The following SCFD2 variants were observed in gnomAD, a reference collection of about 807,000 sequenced individuals.
SCFD2 encodes the protein sec1 family domain containing 2.
A neutral mutation model predicts 58.9 loss-of-function variants in SCFD2; 54 were observed. The ratio of observed to expected loss-of-function variants is 0.92; its 90% CI spans 0.74 to 1.15. The LOEUF (loss-of-function observed/expected upper bound fraction) is 1.15. SCFD2 is among the 50% of genes most tolerant of loss of function. The pLI, the probability that SCFD2 is intolerant of heterozygous loss-of-function variation, is 0.00. For missense variants in SCFD2, 805 were observed against 836.6 expected, an observed-to-expected ratio of 0.96 and a Z score of 0.47; for synonymous variants, 321 against 335.9, an observed-to-expected ratio of 0.96 and a Z score of 0.49.
intron 4 of SCFD2, among the ~76,000 whole-genome samples, chr4:53,258,783 G>C (rs1160595702): frequency 2.6e-5 from 4 of 151,802 alleles, no homozygotes; most frequent in African/African-American, 9.7e-5. Context: ...TCTACTTTTA[G>C]TTCCTTAAGG....
chr4:53,209,067 A>G (rs962734890), intron 4 of SCFD2, among the ~76,000 whole-genome samples: 5 of 152,160 alleles, frequency 3.3e-5, no homozygotes, highest in Admixed American at 1.3e-4. Context: ...GACTTGGGAC[A>G]TTCAGTGCTA....
intron 2 of SCFD2, among the ~76,000 whole-genome samples, chr4:53,342,807 C>T (rs1455472011): frequency 6.6e-6 from 1 of 152,154 alleles, no homozygotes; most frequent in Admixed American, 6.5e-5. Context: ...AAGAAACTCA[C>T]TCAAAACCGC....
chr4:53,277,984 C>T (rs1731381776), intron 3 of SCFD2, among the ~76,000 whole-genome samples: 1 of 150,520 alleles, frequency 6.6e-6, no homozygotes, highest in African/African-American at 2.5e-5. Context: ...ACCCGGGAGG[C>T]GGAGCTTGCA....
At chr4:52,936,164 A>C (rs1183327887) in intron 5 of SCFD2, among the ~76,000 whole-genome samples, 2 of 152,046 alleles carry the variant, frequency 1.3e-5, no homozygotes, top group Admixed American at 6.6e-5. Context: ...GGCTGTCTAA[A>C]TGACTGCTCA....
At chr4:53,360,360 C>T (rs575127610) in intron 1 of SCFD2, among the ~76,000 whole-genome samples, 154 of 152,340 alleles carry the variant, frequency 1.0e-3, no homozygotes, top group African/African-American at 3.5e-3. Context: ...CCAAAGTCTA[C>T]CCTCCACCAT....
intron 5 of SCFD2, among the ~76,000 whole-genome samples, chr4:52,971,496 C>A (rs571783459): frequency 6.6e-6 from 1 of 152,252 alleles, no homozygotes; most frequent in Admixed American, 6.5e-5. Flanking sequence ...AACAAAGCCT[C>A]CAAGAAATAT....
intron 4 of SCFD2, among the ~76,000 whole-genome samples, chr4:53,196,181 A>T (rs946370949): frequency 3.9e-5 from 6 of 152,044 alleles, no homozygotes; most frequent in Admixed American, 2.6e-4. Context: ...GAGTCTTTTG[A>T]CTCCTCTTTT....
At position 53,145,460 on chromosome 4, in the gene SCFD2, A is replaced by T. The variant is rs1726299435; in HGVS notation, c.1434T>A (p.Ile478=). ...CCGTGAGCTCTCCAGTGACAGAATAAATATATATGAGAAGGATCAGCAGTT... is the reference window on the plus strand; with the variant it reads ...CCGTGAGCTCTCCAGTGACAGAATATATATATATGAGAAGGATCAGCAGTT... ...PEELLILLIY[I]YSVTGELTVD... is the part of the protein sequence containing the mutation. Residue 478 remains isoleucine, a synonymous_variant, in exon 5 of 9, where the codon ATT becomes ATA. Transcript: ENST00000401642. 1 of 1,613,984 alleles carries T rather than the reference A, an allele frequency of 6.2e-7. No individual in the cohort carries two copies. Among genetic ancestry groups the T allele is most frequent in the Non-Finnish European group, 8.5e-7 (1 of 1,180,008 alleles).
intron 4 of SCFD2, among the ~76,000 whole-genome samples, chr4:53,213,045 A>C (rs904686657): frequency 6.6e-6 from 1 of 152,154 alleles, no homozygotes; most frequent in African/African-American, 2.4e-5. Flanking sequence ...CTACTGTAAT[A>C]ATGATAAATG....
intron 5 of SCFD2, among the ~76,000 whole-genome samples, chr4:52,994,690 G>A (rs1395750809): frequency 6.6e-5 from 10 of 152,182 alleles, no homozygotes; most frequent in Admixed American, 2.0e-4. Context: ...TTAAAGTCCT[G>A]TCTGTTGTGA....
intron 4 of SCFD2, among the ~76,000 whole-genome samples, chr4:53,246,674 T>G (rs1473286411): frequency 6.6e-6 from 1 of 152,088 alleles, no homozygotes; most frequent in Non-Finnish European, 1.5e-5. Flanking sequence ...CCTTATACCA[T>G]ACATAAAAAA....
At chr4:53,070,643 A>G (rs529615463) in intron 5 of SCFD2, among the ~76,000 whole-genome samples, 1 of 152,246 alleles carries the variant, frequency 6.6e-6, no homozygotes, top group Admixed American at 6.5e-5. Flanking sequence ...TGTACATAAT[A>G]GCACCAAATC....
At chr4:53,168,991 G>A (rs73143475) in intron 4 of SCFD2, among the ~76,000 whole-genome samples, 5,392 of 152,210 alleles carry the variant, frequency 0.035, 331 homozygotes, top group African/African-American at 0.12. Context: ...GAGATGATGT[G>A]GTATTTGTTT....
Position 53,319,089 on chromosome 4 carries a change from T to C in SCFD2, c.1008-5326A>G, listed in dbSNP as rs139967346. 1.7e-3 allele frequency among the ~76,000 whole-genome samples: 264 copies of C among 152,324 alleles called. 5 individuals are homozygous for C. The East Asian group carries it at 0.039, about 23-fold the overall frequency. ...GAGAATCAATTATGCAGAACGTCAA[T>C]TGTTTTTCACTTTTCATGTTGGTTT... On this transcript the variant is annotated intron_variant, in intron 2 of 8. Coordinates refer to ENST00000401642, the MANE Select transcript of SCFD2 (RefSeq NM_152540.4).
At chr4:53,352,878 G>C (rs1310012731) in intron 1 of SCFD2, 112 bp from the exon 2 acceptor site, 2 of 950,516 alleles carry the variant, frequency 2.1e-6, no homozygotes, top group Non-Finnish European at 3.2e-6. Flanking sequence ...TTTAGTTTCT[G>C]TTCAACAAAA....
chr4:53,350,808 C>T (rs998753797), intron 2 of SCFD2, among the ~76,000 whole-genome samples: 2 of 152,198 alleles, frequency 1.3e-5, no homozygotes, highest in African/African-American at 4.8e-5. Context: ...CTCCCAGGTT[C>T]AAGATACTCT....
chr4:53,221,079 T>A (rs1729033954), intron 4 of SCFD2, among the ~76,000 whole-genome samples: 1 of 152,166 alleles, frequency 6.6e-6, no homozygotes, highest in African/African-American at 2.4e-5. Flanking sequence ...GTCAAATCTA[T>A]ATTTTAAGTA....
intron 3 of SCFD2, among the ~76,000 whole-genome samples, chr4:53,283,513 T>C (rs1359735747): frequency 2.0e-5 from 3 of 152,206 alleles, no homozygotes; most frequent in African/African-American, 4.8e-5. Flanking sequence ...CTAGTTTTAC[T>C]TGATACTGTC....
chr4:53,205,263 A>G (rs1728370683), intron 4 of SCFD2, among the ~76,000 whole-genome samples: 1 of 152,122 alleles, frequency 6.6e-6, no homozygotes, highest in African/African-American at 2.4e-5. Flanking sequence ...ACTGAAAGCT[A>G]TCATTGCCAC....
Sources: gnomAD v4.1 joint callset for allele counts (sites outside exome capture counted in the v4.1 genomes callset) on GRCh38, gnomAD v4.1.1 for gene constraint, MANE v1.5 for transcripts, NCBI Gene and HGNC (gene_info 2026-07-23, HGNC 2026-07-21) for gene names.